PRUNE2: variants seen among roughly 807,000 people sequenced by gnomAD.
PRUNE2 encodes the protein protein prune homolog 2.
In PRUNE2, 164 loss-of-function variants were observed where a neutral mutation model predicts 252.0. That is an observed-to-expected ratio of 0.65 (90% confidence interval 0.57 to 0.74). The LOEUF (loss-of-function observed/expected upper bound fraction) is 0.74. Ranked by LOEUF, PRUNE2 falls within the 30% of genes least tolerant of loss-of-function variation. The probability of loss-of-function intolerance (pLI) is 0.00; values close to 1 mark genes in which losing one functional copy is unlikely to be tolerated. For synonymous variants in PRUNE2, 1,292 were observed against 1,350.2 expected (o/e 0.96, Z 0.94); for missense variants, 3,495 against 3,711.0 (o/e 0.94, Z 1.51).
intron 6 of PRUNE2, among the ~76,000 whole-genome samples, chr9:76,821,462 T>C (rs544617023): frequency 2.0e-5 from 3 of 152,142 alleles, no homozygotes; most frequent in Non-Finnish European, 4.4e-5. Context: ...AACTCTGACA[T>C]TAACTTGGGA....
At chr9:76,738,100 A>G (rs957050958) in intron 6 of PRUNE2, 2 of 152,152 alleles carry the variant, frequency 1.3e-5, no homozygotes, top group Non-Finnish European at 1.5e-5. Flanking sequence ...TAATGTTAAT[A>G]TTAACATTAG....
rs768187453 is a variant in PRUNE2, at chr9:76,637,474, T to C, written c.8907A>G (p.Arg2969=). 5 of 1,613,628 alleles carry C rather than the reference T, an allele frequency of 3.1e-6. No homozygotes were observed. Among genetic ancestry groups the C allele is most frequent in the Admixed American group, 1.7e-5 (1 of 60,018 alleles). ...TCCAGCCTAGCCCTGGCATCCTCCTTCTTGGGGTTGCACCATTCAAGTACA... is the reference window on the plus strand; with the variant it reads ...TCCAGCCTAGCCCTGGCATCCTCCTCCTTGGGGTTGCACCATTCAAGTACA... ...MIVYLNGATP[R]RRMPGLGWMK... is the part of the protein sequence containing the mutation. Residue 2969 remains arginine (R), a synonymous_variant, in exon 14 of 19, where the codon AGA becomes AGG. Transcript: ENST00000376718.
chr9:76,850,881 T>C (rs1371985439), intron 2 of PRUNE2, among the ~76,000 whole-genome samples: 4 of 152,114 alleles, frequency 2.6e-5, no homozygotes, highest in African/African-American at 9.7e-5. Flanking sequence ...TTACCCTACT[T>C]GAAACATCTC....
At chr9:76,881,588 C>T (rs939016039) in intron 1 of PRUNE2, among the ~76,000 whole-genome samples, 2 of 151,942 alleles carry the variant, frequency 1.3e-5, no homozygotes, top group Non-Finnish European at 2.9e-5. Context: ...ATTTACAATC[C>T]GTCTCTATAG....
intron 9 of PRUNE2, among the ~76,000 whole-genome samples, chr9:76,683,570 A>G (rs2043727204): frequency 6.6e-6 from 1 of 152,182 alleles, no homozygotes; most frequent in African/African-American, 2.4e-5. Flanking sequence ...AAAAATATGT[A>G]TGTTCTCAGG....
chr9:76,709,115 A>G lies in PRUNE2; in HGVS notation c.3159T>C (p.Asn1053=). ...EINTTHNLDE[N]ELKTEHTDGK... ...CATCTGTGTGCTCTGTCTTGAGTTC[A>G]TTTTCATCCAGGTTGTGAGTGGTAT... The change falls in exon 8 of 19, where the codon AAT becomes AAC. Residue 1053 remains asparagine, a synonymous_variant. Coordinates refer to ENST00000376718, the MANE Select transcript of PRUNE2 (RefSeq NM_015225.3). 1 of 1,613,726 alleles carries G rather than the reference A, an allele frequency of 6.2e-7. No individual in the cohort carries two copies. The highest frequency in any genetic ancestry group is 1.1e-5 in the South Asian group (1 of 91,058).
chr9:76,644,729 G>A lies in PRUNE2; in HGVS notation c.8728+10C>T, dbSNP rs1218666715. ...TCCCCATTTCCCAGATTCATGCTGA[G>A]CTCGACTACCTCCGTGAGAAATGAC... On this transcript the variant is annotated intron_variant, in intron 12 of 18. Coordinates refer to ENST00000376718, the MANE Select transcript of PRUNE2 (RefSeq NM_015225.3). 8.7e-6 allele frequency: 14 copies of A among 1,612,842 alleles called. No individual in the cohort carries two copies. Among genetic ancestry groups the A allele is most frequent in the Non-Finnish European group, 1.2e-5 (14 of 1,179,092 alleles).
At chr9:76,829,617 A>T (rs12683225) in intron 4 of PRUNE2, among the ~76,000 whole-genome samples, 4,550 of 152,300 alleles carry the variant, frequency 0.03, 255 homozygotes, top group East Asian at 0.15. Context: ...GCAGACACAC[A>T]AACCCTAAGA....
Position 76,833,634 on chromosome 9 carries a change from A to G in PRUNE2, c.509-6902T>C, listed in dbSNP as rs990408091. ...CAAAAAGTTAGCCGGGCCTGGTGGC[A>G]GGCGCCTCTAGTCCCAGCTACTTGG... On this transcript the variant is annotated intron_variant, in intron 4 of 18. Coordinates refer to ENST00000376718, the MANE Select transcript of PRUNE2 (RefSeq NM_015225.3). Among the ~76,000 whole-genome samples the G allele has an allele frequency of 9.9e-5, 15 of 151,888 alleles. No individual in the cohort carries two copies. The East Asian group carries it at 1.6e-3, about 16-fold the overall frequency.
At chr9:76,880,322 A>AG (rs966351008) in intron 1 of PRUNE2, among the ~76,000 whole-genome samples, 1 of 152,178 alleles carries the variant, frequency 6.6e-6, no homozygotes, top group African/African-American at 2.4e-5. Context: ...CTCAGACCGC[A>AG]GGGGGGTCCC....
chr9:76,665,255 C>T, intron 9 of PRUNE2, among the ~76,000 whole-genome samples: 1 of 152,190 alleles, frequency 6.6e-6, no homozygotes, highest in Non-Finnish European at 1.5e-5. Flanking sequence ...TTTCTCATTC[C>T]CCACTCCCCA....
chr9:76,659,859 A>G (rs974428778), intron 9 of PRUNE2, among the ~76,000 whole-genome samples: 1 of 151,088 alleles, frequency 6.6e-6, no homozygotes, highest in Non-Finnish European at 1.5e-5. Context: ...CATAAAATAA[A>G]TAACATATAT....
chr9:76,691,984 G>A, intron 9 of PRUNE2: 4 of 690,556 alleles, frequency 5.8e-6, no homozygotes, highest in Non-Finnish European at 5.4e-6. Flanking sequence ...CTTCCCAGCA[G>A]CAAGAGATTA....
intron 6 of PRUNE2, among the ~76,000 whole-genome samples, chr9:76,731,221 G>A (rs2048538133): frequency 1.3e-5 from 2 of 150,678 alleles, no homozygotes; most frequent in South Asian, 4.2e-4. Flanking sequence ...ATTATATGGG[G>A]GAAAATCAAG....
At chr9:76,692,079 G>C in intron 9 of PRUNE2, 1 of 717,522 alleles carries the variant, frequency 1.4e-6, no homozygotes, top group Non-Finnish European at 2.6e-6. Flanking sequence ...CCTACCTTCT[G>C]AGGATGAGAG....
Position 76,709,900 on chromosome 9 carries a change from C to G in PRUNE2, c.2374G>C (p.Ala792Pro), listed in dbSNP as rs901596855. ...CAGGCTGGGAATGGCGCCACAGCTG[C>G]TGGTTCACCATCATCTGTAGGATTT... ...WGNPTDDGEP[A>P]AVAPFPAWSA... Residue 792 changes from alanine (A) to proline (P), a missense_variant, in exon 8 of 19, where the codon GCA (alanine) becomes CCA (proline). Ala to Pro is a conservative substitution (Grantham distance 27). Coordinates refer to ENST00000376718, the MANE Select transcript of PRUNE2 (RefSeq NM_015225.3). 1.2e-6 allele frequency: 2 copies of G among 1,613,848 alleles called. No homozygotes were observed. The highest frequency in any genetic ancestry group is 1.7e-6 in the Non-Finnish European group (2 of 1,179,848).
At chr9:76,766,140 G>A (rs556671949) in intron 6 of PRUNE2, among the ~76,000 whole-genome samples, 20 of 148,328 alleles carry the variant, frequency 1.3e-4, no homozygotes, top group East Asian at 1.0e-3. Context: ...CCAAGATTGC[G>A]CCACTGCACT....
At chr9:76,771,841 G>A (rs1458721035) in intron 6 of PRUNE2, among the ~76,000 whole-genome samples, 1 of 152,110 alleles carries the variant, frequency 6.6e-6, no homozygotes, top group African/African-American at 2.4e-5. Flanking sequence ...AACCACTCAG[G>A]TGTGGTTTGC....
intron 1 of PRUNE2, among the ~76,000 whole-genome samples, chr9:76,859,810 C>T (rs1442667602): frequency 6.6e-6 from 1 of 152,140 alleles, no homozygotes; most frequent in Non-Finnish European, 1.5e-5. Context: ...TCAAGCAATT[C>T]TCCTGCCTCA....
Sources: allele counts gnomAD v4.1 joint callset (sites outside exome capture counted in the v4.1 genomes callset), GRCh38; gene constraint gnomAD v4.1.1; transcripts MANE v1.5; gene names NCBI Gene and HGNC (gene_info 2026-07-23, HGNC 2026-07-21).